Variants in ARPP21 observed in about 807,000 individuals in gnomAD.
ARPP21 encodes cAMP regulated phosphoprotein 21.
In ARPP21, 69 loss-of-function variants were observed where a neutral mutation model predicts 113.2. The observed-to-expected ratio is 0.61, with a 90% CI of 0.50 to 0.74. The LOEUF is 0.74. Among genes scored for constraint, ARPP21 ranks in the 30% least tolerant of loss-of-function variants. The pLI is 0.00. For synonymous variants in ARPP21, 368 were observed against 375.5 expected, an observed-to-expected ratio of 0.98 and a Z score of 0.23; for missense variants, 1,070 against 1,037.4, an observed-to-expected ratio of 1.03 and a Z score of -0.43.
At chr3:35,719,807 G>C (rs1251894109) in intron 13 of ARPP21, among the ~76,000 whole-genome samples, 1 of 152,192 alleles carries the variant, frequency 6.6e-6, no homozygotes, top group Non-Finnish European at 1.5e-5. Flanking sequence ...AGCTGCAAAT[G>C]AGATTATTGT....
chr3:35,696,913 G>T (rs1001648283), intron 9 of ARPP21, among the ~76,000 whole-genome samples: 2 of 151,288 alleles, frequency 1.3e-5, no homozygotes, highest in Admixed American at 1.3e-4. Flanking sequence ...TTCTGTGTTT[G>T]ACACAAAGCA....
At chr3:35,690,786 T>G (rs1252223052) in intron 8 of ARPP21, 79 bp from the exon 9 acceptor site, 6 of 1,302,892 alleles carry the variant, frequency 4.6e-6, no homozygotes, top group African/African-American at 4.5e-5. Flanking sequence ...AGAAATAGTT[T>G]TGTGTGTATA....
chr3:35,788,519 T>C (rs2096677839), intron 19 of ARPP21, among the ~76,000 whole-genome samples: 1 of 152,180 alleles, frequency 6.6e-6, no homozygotes, highest in African/African-American at 2.4e-5. Context: ...GAAATGTGCT[T>C]GGTATAGAAA....
chr3:35,667,057 A>C (rs2074555420), intron 1 of ARPP21, among the ~76,000 whole-genome samples: 1 of 152,128 alleles, frequency 6.6e-6, no homozygotes, highest in Non-Finnish European at 1.5e-5. Context: ...GCTCTGCCTC[A>C]CCCCTAGAGT....
intron 19 of ARPP21, among the ~76,000 whole-genome samples, chr3:35,771,536 C>T (rs188927861): frequency 6.8e-4 from 103 of 152,220 alleles, no homozygotes; most frequent in African/African-American, 2.4e-3. Flanking sequence ...ACCATGTTGG[C>T]CAGCCTCGTC....
chr3:35,683,399 A>T (rs1039350745), intron 4 of ARPP21, among the ~76,000 whole-genome samples: 12 of 151,816 alleles, frequency 7.9e-5, no homozygotes, highest in African/African-American at 2.9e-4. Flanking sequence ...TTTAGTAAAA[A>T]TTAATTTTAT....
At chr3:35,676,149 C>T (rs2077429502) in intron 1 of ARPP21, among the ~76,000 whole-genome samples, 1 of 151,940 alleles carries the variant, frequency 6.6e-6, no homozygotes, top group Non-Finnish European at 1.5e-5. Flanking sequence ...ACTTGTTATA[C>T]AAGTGAAGAA....
chr3:35,710,204 G>A (rs535848342), intron 11 of ARPP21, among the ~76,000 whole-genome samples: 1 of 152,180 alleles, frequency 6.6e-6, no homozygotes, highest in Non-Finnish European at 1.5e-5. Flanking sequence ...TTAGAAGAGT[G>A]TGAGAGAGAG....
chr3:35,699,607 T>C (rs1049999113), intron 9 of ARPP21, among the ~76,000 whole-genome samples: 1 of 151,666 alleles, frequency 6.6e-6, no homozygotes, highest in Non-Finnish European at 1.5e-5. Context: ...GCATAGCCTT[T>C]AACTTCCCAA....
chr3:35,757,805 C>T (rs2095626978), intron 19 of ARPP21, among the ~76,000 whole-genome samples: 1 of 151,894 alleles, frequency 6.6e-6, no homozygotes, highest in African/African-American at 2.4e-5. Context: ...ATCGCAATTT[C>T]TTATTTATTT....
chr3:35,665,670 A>C (rs191737390), intron 1 of ARPP21, among the ~76,000 whole-genome samples: 83 of 152,292 alleles, frequency 5.5e-4, no homozygotes, highest in African/African-American at 1.9e-3. Context: ...CTGGGTAAAT[A>C]TTGCATTTGT....
Position 35,737,246 on chromosome 3 carries a change from C to A in ARPP21, c.1528C>A (p.Arg510=), listed in dbSNP as rs192238724. The A allele has an allele frequency of 6.2e-6, 10 of 1,612,806 alleles. No individual in the cohort carries two copies. The Admixed American group carries it at 1.0e-4, about 16-fold the overall frequency. Residue 510 remains arginine, a synonymous_variant, in exon 16 of 21, where the codon CGA becomes AGA. Transcript: ENST00000684406. ...YNPPTSQQPL[R]SAMVGQSQQQ... ...CCCACCCACCAGTCAGCAGCCCCTG[C>A]GAAGCGCCATGGTGGGGCAGTCCCA...
intron 14 of ARPP21, among the ~76,000 whole-genome samples, chr3:35,726,670 T>C (rs2093563700): frequency 6.6e-6 from 1 of 152,188 alleles, no homozygotes; most frequent in Non-Finnish European, 1.5e-5. Flanking sequence ...ATTAAATTAC[T>C]CTTTGGATTG....
rs769750357 is a variant in ARPP21, at chr3:35,729,420, A to C, written c.1343A>C (p.Tyr448Ser). Reference sequence around the variant, plus strand: ...GCTGGCTCTCCAGGCTGTGTGCCTTATCCAGAGAATGGAATAGGGGGCCAG... The same window carrying C: ...GCTGGCTCTCCAGGCTGTGTGCCTTCTCCAGAGAATGGAATAGGGGGCCAG... Reference protein sequence around the residue: ...VAAGSPGCVPYPENGIGGQVA... With the variant: ...VAAGSPGCVPSPENGIGGQVA... Residue 448 changes from tyrosine (Y) to serine (S), a missense_variant, in exon 15 of 21, where the codon TAT (tyrosine) becomes TCT (serine). Transcript: ENST00000684406. 4.3e-6 allele frequency: 7 copies of C among 1,613,952 alleles called. No individual in the cohort carries two copies. In the Admixed American group the frequency reaches 1.2e-4, roughly 27 times the overall value.
chr3:35,698,897 C>A (rs2085132786), intron 9 of ARPP21, among the ~76,000 whole-genome samples: 1 of 151,674 alleles, frequency 6.6e-6, no homozygotes, highest in Non-Finnish European at 1.5e-5. Context: ...ACCGGACACA[C>A]TGGATTCACA....
intron 14 of ARPP21, among the ~76,000 whole-genome samples, chr3:35,722,579 T>G (rs759642024): frequency 5.9e-5 from 9 of 152,198 alleles, no homozygotes; most frequent in Non-Finnish European, 1.2e-4. Context: ...GACAGGTGAG[T>G]GTCAGAGAGG....
intron 1 of ARPP21, among the ~76,000 whole-genome samples, chr3:35,657,751 A>G (rs192003967): frequency 1.8e-4 from 28 of 152,158 alleles, no homozygotes; most frequent in African/African-American, 6.5e-4. Context: ...TGAGGTTCCA[A>G]CAGCCTCTGG....
intron 2 of ARPP21, 118 bp from the exon 3 acceptor site, chr3:35,681,596 G>T (rs1311146740): frequency 6.7e-6 from 4 of 596,936 alleles, no homozygotes; most frequent in Non-Finnish European, 1.2e-5. Context: ...TCCCCCTTTT[G>T]TATAAAATTC....
intron 19 of ARPP21, among the ~76,000 whole-genome samples, chr3:35,748,302 G>A (rs2095256024): frequency 9.4e-6 from 1 of 106,450 alleles, no homozygotes; most frequent in African/African-American, 4.0e-5. Context: ...AAGGAAGGAA[G>A]AAAGAAAGAA....
Sources: allele counts gnomAD v4.1 joint callset (sites outside exome capture counted in the v4.1 genomes callset), GRCh38; gene constraint gnomAD v4.1.1; transcripts MANE v1.5; gene names NCBI Gene and HGNC (gene_info 2026-07-23, HGNC 2026-07-21).